The following MYO1B variants were observed in gnomAD, a reference collection of about 807,000 sequenced individuals.
MYO1B encodes myosin IB.
MYO1B carries 72 observed loss-of-function variants against 159.7 expected under a neutral mutation model. The observed-to-expected ratio is 0.45, with a 90% CI of 0.37 to 0.55. The LOEUF is 0.55. Ranked by LOEUF, MYO1B falls within the 20% of genes least tolerant of loss-of-function variation. MYO1B has a pLI of 0.00. For missense variants in MYO1B, 1,062 were observed against 1,364.8 expected (o/e 0.78, Z 3.50); for synonymous variants, 468 against 473.8 (o/e 0.99, Z 0.16).
At chr2:191,246,109 G>T (rs1490357101) in intron 1 of MYO1B, 1 of 152,576 alleles carries the variant, frequency 6.6e-6, no homozygotes, top group East Asian at 1.9e-4. Context: ...GGCGGCGGGG[G>T]AGGAGGGGCC....
chr2:191,314,927 CAGT>C (rs549687086), intron 3 of MYO1B, among the ~76,000 whole-genome samples: 219 of 152,228 alleles, frequency 1.4e-3, no homozygotes, highest in African/African-American at 5.2e-3. Flanking sequence ...TCTCTTGACT[CAGT>C]GGTGCTATAT....
At chr2:191,351,958 G>A (rs1375305519) in intron 7 of MYO1B, among the ~76,000 whole-genome samples, 5 of 152,048 alleles carry the variant, frequency 3.3e-5, no homozygotes, top group Admixed American at 1.3e-4. Flanking sequence ...CCATGTGTTC[G>A]GATTGTCCAT....
rs532648536 is a variant in MYO1B, at chr2:191,368,727, A to G, written c.1033-815A>G. Among the ~76,000 whole-genome samples the G allele has an allele frequency of 2.5e-3, 379 of 152,240 alleles. 2 individuals are homozygous for G. Among genetic ancestry groups the G allele is most frequent in the Non-Finnish European group, 4.1e-3 (278 of 68,008 alleles). On this transcript the variant is annotated intron_variant, in intron 11 of 30. Transcript: ENST00000392318. The stretch of plus-strand genomic sequence containing the variant: ...TGGCTCATGCCTCTCTAATCCCAGC[A>G]CTTTGGGAGGCTGAGGTGGGTGGAT...
chr2:191,398,648 G>A (rs1020847674), intron 21 of MYO1B, among the ~76,000 whole-genome samples: 2 of 151,708 alleles, frequency 1.3e-5, no homozygotes, highest in Admixed American at 1.3e-4. Context: ...GGGCAGAGGC[G>A]CTCCCCACTC....
intron 7 of MYO1B, among the ~76,000 whole-genome samples, chr2:191,357,544 A>G (rs1693381162): frequency 6.6e-6 from 1 of 152,222 alleles, no homozygotes; most frequent in African/African-American, 2.4e-5. Flanking sequence ...TAGCTGCATT[A>G]GAATATCTGG....
intron 3 of MYO1B, among the ~76,000 whole-genome samples, chr2:191,305,440 G>A (rs1192044444): frequency 6.6e-6 from 1 of 152,202 alleles, no homozygotes. Flanking sequence ...AGAAACTCAC[G>A]TAGAGGGGAA....
chr2:191,265,137 A>G (rs905780965), intron 1 of MYO1B, among the ~76,000 whole-genome samples: 4 of 151,616 alleles, frequency 2.6e-5, no homozygotes, highest in African/African-American at 9.7e-5. Flanking sequence ...TAAATTCAGT[A>G]CATTTCTCTC....
chr2:191,352,268 T>C lies in MYO1B; in HGVS notation c.562+2043T>C, dbSNP rs542460970. Among the ~76,000 whole-genome samples, 5 of 152,222 alleles carry C rather than the reference T, an allele frequency of 3.3e-5. No individual in the cohort carries two copies. In the South Asian group the frequency reaches 1.0e-3, roughly 32 times the overall value. On this transcript the variant is annotated intron_variant, in intron 7 of 30. Coordinates refer to ENST00000392318, the MANE Select transcript of MYO1B (RefSeq NM_001130158.3). ...AATGATTAATATTTATTCTGAATGATATTCATGAGCCTTTAGTGCTTTCTT... is the reference window on the plus strand; with the variant it reads ...AATGATTAATATTTATTCTGAATGACATTCATGAGCCTTTAGTGCTTTCTT...
intron 1 of MYO1B, among the ~76,000 whole-genome samples, chr2:191,255,596 A>G (rs1686390294): frequency 6.6e-6 from 1 of 152,242 alleles, no homozygotes; most frequent in Non-Finnish European, 1.5e-5. Flanking sequence ...GATGACTTAA[A>G]TCAAGTTATT....
intron 29 of MYO1B, 31 bp downstream of exon 29, chr2:191,414,700 A>C (rs779662768): frequency 1.9e-6 from 3 of 1,584,590 alleles, no homozygotes; most frequent in Admixed American, 3.7e-5. Context: ...TTCTGTGCTT[A>C]ATCTCTCAGC....
chr2:191,316,269 AT>A (rs1430434331), intron 3 of MYO1B, among the ~76,000 whole-genome samples: 1 of 152,176 alleles, frequency 6.6e-6, no homozygotes, highest in Non-Finnish European at 1.5e-5. Context: ...TTTTATGAAA[AT>A]TTAGGAAGCA....
intron 4 of MYO1B, among the ~76,000 whole-genome samples, chr2:191,338,609 C>T (rs1197043387): frequency 2.6e-5 from 4 of 152,084 alleles, no homozygotes; most frequent in Non-Finnish European, 1.5e-5. Context: ...TTCTAGTAGC[C>T]ACCAAAAGAT....
chr2:191,341,024 G>A (rs977689938), intron 4 of MYO1B, among the ~76,000 whole-genome samples: 2 of 151,992 alleles, frequency 1.3e-5, no homozygotes, highest in Admixed American at 6.6e-5. Context: ...GTGCCTGGCC[G>A]AGCAAACGAC....
In MYO1B at chr2:191,369,522, G is replaced by T; in HGVS notation, c.1033-20G>T. On this transcript the variant is annotated intron_variant, in intron 11 of 30. Transcript: ENST00000392318. ...TGTGGAATTGTGGGTGTTAAGTTTTGTTTGTTTGTTTTTTAATAGGCTTAT... is the reference window on the plus strand; with the variant it reads ...TGTGGAATTGTGGGTGTTAAGTTTTTTTTGTTTGTTTTTTAATAGGCTTAT... The T allele has an allele frequency of 6.3e-7, 1 of 1,589,424 alleles. No individual in the cohort carries two copies. Among genetic ancestry groups the T allele is most frequent in the Non-Finnish European group, 8.6e-7 (1 of 1,159,934 alleles).
intron 2 of MYO1B, among the ~76,000 whole-genome samples, chr2:191,285,909 G>A (rs1314617309): frequency 1.3e-5 from 2 of 152,084 alleles, no homozygotes; most frequent in African/African-American, 2.4e-5. Context: ...GGGGTTCCTA[G>A]GTGAGTTCAT....
rs117913866 is a variant in MYO1B at position 191,324,365 on chromosome 2, T to C, written c.252-5570T>C. On this transcript the variant is annotated intron_variant, in intron 3 of 30. Transcript: ENST00000392318. ...GCTTCTTTTGGATTATTTGAATTTT[T>C]TATTCGTATAATTCCATTTACTTTT... Among the ~76,000 whole-genome samples the C allele has an allele frequency of 6.8e-4, 104 of 152,288 alleles. 1 individual carries two copies. The East Asian group carries it at 0.013, about 19-fold the overall frequency.
chr2:191,280,639 C>T lies in MYO1B; in HGVS notation c.135+3609C>T, dbSNP rs116714635. 1.9e-3 allele frequency among the ~76,000 whole-genome samples: 285 copies of T among 152,184 alleles called. 1 individual carries two copies. Among genetic ancestry groups the T allele is most frequent in the Admixed American group, 2.8e-3 (43 of 15,292 alleles). On this transcript the variant is annotated intron_variant, in intron 2 of 30. Transcript: ENST00000392318. ...TGGCCCGGAGATGGCATGACCTGAG[C>T]GACTTAAGAAAGTGATGTTTAAGAT... is the stretch of plus-strand genomic sequence containing the variant.
chr2:191,382,935 C>T (rs953657877), intron 14 of MYO1B, among the ~76,000 whole-genome samples: 1 of 152,246 alleles, frequency 6.6e-6, no homozygotes. Flanking sequence ...TCCTTATAAA[C>T]ATTGTAAACA....
intron 2 of MYO1B, among the ~76,000 whole-genome samples, chr2:191,278,784 G>T (rs914532111): frequency 2.6e-5 from 4 of 152,238 alleles, no homozygotes; most frequent in African/African-American, 9.6e-5. Flanking sequence ...AAAGCTGAGG[G>T]TTCTGCAGCT....
Sources: gnomAD v4.1 joint callset for allele counts (sites outside exome capture counted in the v4.1 genomes callset) on GRCh38, gnomAD v4.1.1 for gene constraint, MANE v1.5 for transcripts, NCBI Gene and HGNC (gene_info 2026-07-23, HGNC 2026-07-21) for gene names.